LIMS1: variants seen among roughly 807,000 people sequenced by gnomAD.
LIMS1 encodes LIM and senescent cell antigen-like-containing domain protein 1.
Under a neutral mutation model 44.1 loss-of-function variants are expected in LIMS1, and 18 were observed. That is an observed-to-expected ratio of 0.41 (90% CI 0.28 to 0.61). The LOEUF (loss-of-function observed/expected upper bound fraction) is 0.61, where lower values mean the gene tolerates loss of function less well. LIMS1 is among the 20% of genes least tolerant of loss of function. The pLI is 0.32. For synonymous variants in LIMS1, 93 were observed against 149.1 expected, an observed-to-expected ratio of 0.62 and a Z score of 2.74; for missense variants, 201 against 422.0, an observed-to-expected ratio of 0.48 and a Z score of 4.59.
At chr2:108,663,757 A>ATT (rs1437897679) in intron 2 of LIMS1, among the ~76,000 whole-genome samples, 1 of 149,430 alleles carries the variant, frequency 6.7e-6, no homozygotes. Flanking sequence ...TTTTATTTTT[A>ATT]TTTTTATTTT....
chr2:108,557,775 C>A (rs995987468), intron 1 of LIMS1, among the ~76,000 whole-genome samples: 1 of 152,164 alleles, frequency 6.6e-6, no homozygotes, highest in East Asian at 1.9e-4. Flanking sequence ...CTCAGCCTCC[C>A]AAAGCGCTAG....
At chr2:108,671,089 C>T (rs2433825) in intron 3 of LIMS1, 184,969 of 465,552 alleles carry the variant, frequency 0.4, 42,258 homozygotes, top group East Asian at 0.88. Flanking sequence ...GAGAATCGCT[C>T]GAACCCAGGG....
chr2:108,543,959 C>G (rs1483583144), intron 1 of LIMS1, among the ~76,000 whole-genome samples: 2 of 152,136 alleles, frequency 1.3e-5, no homozygotes, highest in African/African-American at 4.8e-5. Context: ...GGGAGGATCA[C>G]TTGAGCCTGG....
intron 1 of LIMS1, among the ~76,000 whole-genome samples, chr2:108,586,476 G>C (rs188908225): frequency 2.4e-4 from 36 of 152,312 alleles, no homozygotes; most frequent in African/African-American, 8.2e-4. Flanking sequence ...CAGATAAACT[G>C]TTTTCTTCAT....
chr2:108,568,614 A>G (rs1200350380), intron 1 of LIMS1, among the ~76,000 whole-genome samples: 1 of 152,182 alleles, frequency 6.6e-6, no homozygotes, highest in Non-Finnish European at 1.5e-5. Context: ...ACTGTTTTCC[A>G]TAATACCCAC....
intron 1 of LIMS1, among the ~76,000 whole-genome samples, chr2:108,614,970 C>G (rs1687851472): frequency 6.6e-6 from 1 of 152,116 alleles, no homozygotes. Context: ...TTGCAAGTAA[C>G]TGTTACATTT....
intron 1 of LIMS1, among the ~76,000 whole-genome samples, chr2:108,560,400 T>G (rs1277507497): frequency 1.3e-5 from 2 of 152,060 alleles, no homozygotes; most frequent in Non-Finnish European, 2.9e-5. Context: ...CCCTCTGATC[T>G]CATCTCCTAC....
chr2:108,667,551 A>AAATATATATATAT (rs765279788), intron 2 of LIMS1, among the ~76,000 whole-genome samples: 29 of 130,468 alleles, frequency 2.2e-4, no homozygotes, highest in South Asian at 5.0e-4. Context: ...AAAAAAAAAA[A>AAATATATATATAT]ATATATATAT....
chr2:108,562,471 G>T (rs539304702), intron 1 of LIMS1, among the ~76,000 whole-genome samples: 1 of 152,202 alleles, frequency 6.6e-6, no homozygotes, highest in Admixed American at 6.5e-5. Context: ...CAGCAAAACA[G>T]CTTTATTGCT....
chr2:108,607,819 G>A (rs1300915676), intron 1 of LIMS1, among the ~76,000 whole-genome samples: 1 of 152,120 alleles, frequency 6.6e-6, no homozygotes, highest in African/African-American at 2.4e-5. Context: ...GGGCTCCTTG[G>A]GCTTTCACTG....
In LIMS1 at chr2:108,633,085, A is replaced by C. The variant is rs553272594; in HGVS notation, c.33-26520A>C. Among the ~76,000 whole-genome samples the C allele has an allele frequency of 7.2e-5, 11 of 152,380 alleles. No individual in the cohort carries two copies. The South Asian group carries it at 2.3e-3, about 32-fold the overall frequency. On this transcript the variant is annotated intron_variant, in intron 1 of 9. Coordinates refer to ENST00000544547, the Ensembl canonical transcript of LIMS1. ...CTCTGAAATAGAACATTTAATGTTCATCATGACGGCAGTGGAAGATTTGGT... is the reference window on the plus strand; with the variant it reads ...CTCTGAAATAGAACATTTAATGTTCCTCATGACGGCAGTGGAAGATTTGGT...
intron 1 of LIMS1, among the ~76,000 whole-genome samples, chr2:108,565,116 C>G (rs949376402): frequency 1.3e-5 from 2 of 152,210 alleles, no homozygotes; most frequent in African/African-American, 2.4e-5. Flanking sequence ...TTGATTCTCT[C>G]AACTCAACTT....
chr2:108,565,257 A>G (rs1558789665), intron 1 of LIMS1, among the ~76,000 whole-genome samples: 1 of 152,250 alleles, frequency 6.6e-6, no homozygotes, highest in African/African-American at 2.4e-5. Flanking sequence ...ATGTTAGGAC[A>G]TAGCCAAGAT....
intron 1 of LIMS1, among the ~76,000 whole-genome samples, chr2:108,622,312 A>G (rs1688293975): frequency 6.6e-6 from 1 of 152,120 alleles, no homozygotes; most frequent in African/African-American, 2.4e-5. Context: ...TTTGTGTACT[A>G]TTGTTCTTTT....
chr2:108,533,845 GCAGGCTC>G, upstream of LIMS1: 1 of 152,528 alleles, frequency 6.6e-6, no homozygotes, highest in South Asian at 2.1e-4. Context: ...AACAAAGGCT[GCAGGCTC>G]CATGCGGAGC....
intron 1 of LIMS1, among the ~76,000 whole-genome samples, chr2:108,552,926 G>T (rs1684809992): frequency 1.3e-5 from 2 of 152,008 alleles, no homozygotes; most frequent in South Asian, 4.2e-4. Flanking sequence ...AGTTTCTGAG[G>T]CATAGAGATA....
intron 1 of LIMS1, among the ~76,000 whole-genome samples, chr2:108,566,423 C>A (rs1456623791): frequency 6.6e-6 from 1 of 152,110 alleles, no homozygotes; most frequent in Non-Finnish European, 1.5e-5. Flanking sequence ...ATTATTTATA[C>A]CCTCATTTAT....
chr2:108,621,367 C>T, intron 1 of LIMS1: 1 of 1,550,132 alleles, frequency 6.5e-7, no homozygotes, highest in Non-Finnish European at 8.7e-7. Flanking sequence ...GACTGCATTA[C>T]AGCTTAAAGA....
At chr2:108,617,659 G>A (rs532076682) in intron 1 of LIMS1, among the ~76,000 whole-genome samples, 2 of 152,338 alleles carry the variant, frequency 1.3e-5, no homozygotes, top group East Asian at 1.9e-4. Context: ...CGGTAAGTGG[G>A]ATATGGGGTT....
Sources: gnomAD v4.1 joint callset for allele counts (sites outside exome capture counted in the v4.1 genomes callset) on GRCh38, gnomAD v4.1.1 for gene constraint, MANE v1.5 for transcripts, NCBI Gene and HGNC (gene_info 2026-07-23, HGNC 2026-07-21) for gene names.